The following SP4 variants were observed in gnomAD, a reference collection of about 807,000 sequenced individuals.
The protein encoded by SP4 is Sp4 transcription factor, also known as transcription factor Sp4.
Under a neutral mutation model 72.8 loss-of-function variants are expected in SP4, and 19 were observed. The observed-to-expected ratio is 0.26, with a 90% confidence interval of 0.18 to 0.38. SP4 has a LOEUF of 0.38. Among genes scored for constraint, SP4 ranks in the 10% least tolerant of loss-of-function variants. SP4 has a pLI of 1.00. For synonymous variants in SP4, 395 were observed against 333.1 expected, an observed-to-expected ratio of 1.19 and a Z score of -2.02; for missense variants, 1,008 against 926.3, an observed-to-expected ratio of 1.09 and a Z score of -1.14.
At position 21,430,246 on chromosome 7, in the gene SP4, G is replaced by C. The variant is rs1414544149; in HGVS notation, c.1081G>C (p.Glu361Gln). ...CAGTAGTTCTGAACGCACCATTGAA[G>C]AATCTCAAACACCTGCTGCTACTGA... ...SASSSERTIE[E>Q]SQTPAATESE... The change falls in exon 3 of 6, where the codon GAA becomes CAA. Residue 361 changes from glutamate (E) to glutamine (Q), a missense_variant. By Grantham distance (29) the Glu-to-Gln change is conservative (BLOSUM62 2). Transcript: ENST00000222584. The C allele has an allele frequency of 6.2e-7, 1 of 1,614,190 alleles. No individual in the cohort carries two copies.
At chr7:21,509,295 G>C (rs1782085597) in intron 5 of SP4, among the ~76,000 whole-genome samples, 1 of 152,014 alleles carries the variant, frequency 6.6e-6, no homozygotes, top group Non-Finnish European at 1.5e-5. Context: ...TTATCACACT[G>C]TTTTTATGCT....
In SP4 at chr7:21,428,665, G is replaced by A. The variant is rs960009285; in HGVS notation, c.8-12G>A. 2 of 1,537,744 alleles carry A rather than the reference G, an allele frequency of 1.3e-6. No individual in the cohort carries two copies. Among genetic ancestry groups the A allele is most frequent in the African/African-American group, 1.4e-5 (1 of 72,562 alleles). The stretch of plus-strand genomic sequence containing the variant: ...TGTTGTCGTGTGTGTGTGGTGGGGG[G>A]GTTTGTTGCAGATCAGAAGAAGGAG... On this transcript the variant is annotated splice_polypyrimidine_tract_variant and intron_variant, in intron 1 of 5. Transcript: ENST00000222584.
chr7:21,491,038 C>A (rs1448426330), intron 5 of SP4, among the ~76,000 whole-genome samples: 1 of 152,104 alleles, frequency 6.6e-6, no homozygotes, highest in Non-Finnish European at 1.5e-5. Context: ...TACTATGAGC[C>A]ACGTAAAGCT....
At chr7:21,508,210 A>C (rs1562633005) in intron 5 of SP4, among the ~76,000 whole-genome samples, 1 of 152,130 alleles carries the variant, frequency 6.6e-6, no homozygotes, top group Non-Finnish European at 1.5e-5. Context: ...ATGCAGGCAC[A>C]GAGATCCCAG....
At chr7:21,501,409 G>A (rs925546833) in intron 5 of SP4, among the ~76,000 whole-genome samples, 1 of 152,026 alleles carries the variant, frequency 6.6e-6, no homozygotes, top group African/African-American at 2.4e-5. Context: ...TCCTTGAATT[G>A]CTCTAGAAGT....
chr7:21,447,338 G>C (rs1783459783), intron 3 of SP4, among the ~76,000 whole-genome samples: 1 of 152,062 alleles, frequency 6.6e-6, no homozygotes, highest in Non-Finnish European at 1.5e-5. Flanking sequence ...CTCACTTTGG[G>C]TAACCATCCT....
chr7:21,461,547 C>T (rs1044327046), intron 3 of SP4, among the ~76,000 whole-genome samples: 1 of 152,188 alleles, frequency 6.6e-6, no homozygotes, highest in African/African-American at 2.4e-5. Context: ...AGTGCAGGGC[C>T]CGCCAAGCCC....
intron 3 of SP4, 138 bp from the exon 4 acceptor site, chr7:21,476,941 A>G (rs1784516762): frequency 3.2e-6 from 2 of 634,050 alleles, no homozygotes; most frequent in Admixed American, 5.8e-5. Context: ...TTGACATAGT[A>G]TAAGCCATTA....
At chr7:21,429,184 T>C (rs957868083) in intron 2 of SP4, 105 bp from the exon 3 acceptor site, 15 of 634,712 alleles carry the variant, frequency 2.4e-5, no homozygotes, top group Admixed American at 8.8e-5. Flanking sequence ...TAAATTGTTA[T>C]GTAGAGCTGT....
chr7:21,472,931 G>GA (rs752148396), intron 3 of SP4, among the ~76,000 whole-genome samples: 74 of 152,282 alleles, frequency 4.9e-4, no homozygotes, highest in East Asian at 3.9e-4. Flanking sequence ...AATGGTCACT[G>GA]AAAAAATGCA....
chr7:21,430,772 T>C lies in SP4; in HGVS notation c.1607T>C (p.Val536Ala). 2.5e-6 allele frequency: 4 copies of C among 1,613,830 alleles called. No homozygotes were observed. Among genetic ancestry groups the C allele is most frequent in the Non-Finnish European group, 2.5e-6 (3 of 1,179,684 alleles). Residue 536 changes from valine to alanine, a missense_variant, in exon 3 of 6, where the codon GTG (valine) becomes GCG (alanine). This residue lies in a region of SP4 where 893 missense variants were observed against 743.3 expected (regional missense o/e 1.20). Coordinates refer to ENST00000222584, the MANE Select transcript of SP4 (RefSeq NM_003112.5). ...GCATCAGTGCCTAACCTTCAGACAG[T>C]GAGCGTTGCCAACCTGGGTGCTGCA... ...QLASVPNLQT[V>A]SVANLGAAGV...
At chr7:21,501,419 T>C (rs1302548623) in intron 5 of SP4, among the ~76,000 whole-genome samples, 1 of 152,232 alleles carries the variant, frequency 6.6e-6, no homozygotes, top group African/African-American at 2.4e-5. Context: ...GCTCTAGAAG[T>C]CTTTTACTTT....
At chr7:21,434,139 A>G (rs1163216678) in intron 3 of SP4, among the ~76,000 whole-genome samples, 1 of 152,092 alleles carries the variant, frequency 6.6e-6, no homozygotes, top group Non-Finnish European at 1.5e-5. Context: ...CCCCAGGAGA[A>G]TGGTATTGTT....
At chr7:21,488,544 G>C (rs1784886062) in intron 5 of SP4, among the ~76,000 whole-genome samples, 1 of 144,196 alleles carries the variant, frequency 6.9e-6, no homozygotes, top group Non-Finnish European at 1.5e-5. Context: ...TTTAATGGGT[G>C]TCTCAGTGGG....
rs1043579165 is a variant in SP4, at chr7:21,428,804, C to T, written c.123+12C>T. ...CCTCAGGCTCCCAGGTAAAAGCAAA[C>T]AAATTAAAAAAATTCATCACGACAC... On this transcript the variant is annotated intron_variant, in intron 2 of 5. Transcript: ENST00000222584. The T allele has an allele frequency of 6.5e-7, 1 of 1,541,404 alleles. No homozygotes were observed. The highest frequency in any genetic ancestry group is 8.7e-7 in the Non-Finnish European group (1 of 1,143,030).
intron 3 of SP4, among the ~76,000 whole-genome samples, chr7:21,469,389 G>A (rs889516793): frequency 1.3e-5 from 2 of 149,990 alleles, no homozygotes; most frequent in Non-Finnish European, 3.0e-5. Context: ...CTCATTCATA[G>A]TTTTCTATGG....
intron 3 of SP4, among the ~76,000 whole-genome samples, chr7:21,431,168 A>T (rs1409443666): frequency 6.6e-6 from 1 of 152,244 alleles, no homozygotes; most frequent in Non-Finnish European, 1.5e-5. Flanking sequence ...CTTCAGAAAG[A>T]ACCCTAGTCG....
chr7:21,428,431 C>T (rs1225504919), intron 1 of SP4, among the ~76,000 whole-genome samples, 173 bp downstream of exon 1: 1 of 152,010 alleles, frequency 6.6e-6, no homozygotes, highest in African/African-American at 2.4e-5. Flanking sequence ...GTCTTAATGT[C>T]TGAGAGAGAA....
At chr7:21,459,309 C>G (rs963356556) in intron 3 of SP4, among the ~76,000 whole-genome samples, 1 of 152,050 alleles carries the variant, frequency 6.6e-6, no homozygotes, top group African/African-American at 2.4e-5. Flanking sequence ...TTAGTAGAGA[C>G]AGGGTTTCAC....
Sources: gnomAD v4.1 joint callset for allele counts (sites outside exome capture counted in the v4.1 genomes callset) on GRCh38, gnomAD v4.1.1 for gene constraint, gnomAD v4.1.1 regional missense constraint, MANE v1.5 for transcripts, NCBI Gene and HGNC (gene_info 2026-07-23, HGNC 2026-07-21) for gene names.